Variants in ZNF439 observed in about 807,000 individuals in gnomAD.
The protein encoded by ZNF439 is zinc finger protein 439.
Under a neutral mutation model 47.3 loss-of-function variants are expected in ZNF439, and 40 were observed. The observed-to-expected ratio is 0.85, with a 90% CI of 0.66 to 1.10. The LOEUF is 1.10. ZNF439 is among the 50% of genes least tolerant of loss of function. The pLI, the probability that ZNF439 is intolerant of heterozygous loss-of-function variation, is 0.00. For synonymous variants in ZNF439, 171 were observed against 198.8 expected, an observed-to-expected ratio of 0.86 and a Z score of 1.18; for missense variants, 556 against 601.1, an observed-to-expected ratio of 0.93 and a Z score of 0.78.
intron 1 of ZNF439, among the ~76,000 whole-genome samples, chr19:11,851,661 A>G (rs1290598529): frequency 7.7e-6 from 1 of 130,586 alleles, no homozygotes; most frequent in Non-Finnish European, 1.5e-5. Flanking sequence ...ACAATAATTT[A>G]ATTTTTTTTT....
chr19:11,849,631 G>A (rs1976177712), intron 1 of ZNF439: 1 of 152,468 alleles, frequency 6.6e-6, no homozygotes, highest in Non-Finnish European at 1.5e-5. Flanking sequence ...GGGGTTAGGA[G>A]GCACAGGTGG....
intron 1 of ZNF439, among the ~76,000 whole-genome samples, chr19:11,853,878 G>A (rs925072999): frequency 6.6e-6 from 1 of 152,180 alleles, no homozygotes; most frequent in African/African-American, 2.4e-5. Context: ...TAGTGCTTTA[G>A]ATTGGTCCAA....
In ZNF439 at chr19:11,868,702, C is replaced by A; in HGVS notation, c.*133C>A. 1 of 952,874 alleles carries A rather than the reference C, an allele frequency of 1.0e-6. No individual in the cohort carries two copies. Among genetic ancestry groups the A allele is most frequent in the Non-Finnish European group, 1.6e-6 (1 of 622,490 alleles). The allele number at this position is 952,874 out of a possible 1,614,324, so 59.0% of individuals were successfully genotyped here. A position where few individuals can be genotyped will look rare whatever the true frequency, so the allele number is the denominator to read the frequency against. ...TAATTGTTCCAGTTCCTTTCGATAT[C>A]TAAAAGGACTCACAGTGGAGAAAAA... On this transcript the variant is annotated 3_prime_UTR_variant, in exon 4 of 4. Coordinates refer to ENST00000682736, the MANE Select transcript of ZNF439 (RefSeq NM_001348719.2).
In ZNF439 at chr19:11,867,873, G is replaced by T; in HGVS notation, c.819G>T (p.Lys273Asn). 6.2e-7 allele frequency: 1 copy of T among 1,613,940 alleles called. No homozygotes were observed. Among genetic ancestry groups the T allele is most frequent in the Non-Finnish European group, 8.5e-7 (1 of 1,179,944 alleles). Residue 273 changes from lysine to asparagine, a missense_variant, in exon 4 of 4, where the codon AAG becomes AAT. By Grantham distance (94) the Lys-to-Asn change is moderately conservative (BLOSUM62 0). Coordinates refer to ENST00000682736, the MANE Select transcript of ZNF439 (RefSeq NM_001348719.2). ...ATGAAAGAACTCACATTGGAGAAAA[G>T]CCTTATGAATGTCAGGAATGTGGGA... is the stretch of plus-strand genomic sequence containing the variant. ...RIHERTHIGEKPYECQECGKA... is the reference protein window; with the variant it reads ...RIHERTHIGENPYECQECGKA...
At chr19:11,861,332 T>G (rs1976534522) in intron 1 of ZNF439, among the ~76,000 whole-genome samples, 1 of 151,972 alleles carries the variant, frequency 6.6e-6, no homozygotes, top group Non-Finnish European at 1.5e-5. Context: ...TGATGTGTCT[T>G]CAGTACACCC....
At chr19:11,855,016 G>C (rs959235362) in intron 1 of ZNF439, among the ~76,000 whole-genome samples, 3 of 152,130 alleles carry the variant, frequency 2.0e-5, no homozygotes, top group African/African-American at 7.2e-5. Context: ...ATAAATGAAG[G>C]TGCTGCCTTC....
At chr19:11,851,858 G>A (rs1049462273) in intron 1 of ZNF439, among the ~76,000 whole-genome samples, 4 of 152,034 alleles carry the variant, frequency 2.6e-5, no homozygotes, top group Non-Finnish European at 5.9e-5. Context: ...ACATTGCCCA[G>A]GCTTGTCTCT....
chr19:11,859,180 G>T (rs1159239181), intron 1 of ZNF439, among the ~76,000 whole-genome samples: 1 of 152,194 alleles, frequency 6.6e-6, no homozygotes, highest in African/African-American at 2.4e-5. Flanking sequence ...ACTGCCTCTT[G>T]TAATCTTTCA....
chr19:11,864,765 C>T (rs898260222), intron 1 of ZNF439, among the ~76,000 whole-genome samples: 8 of 151,392 alleles, frequency 5.3e-5, no homozygotes, highest in African/African-American at 7.3e-5. Flanking sequence ...TCATATATGT[C>T]GTAGTATGGG....
chr19:11,865,299 T>C (rs1976644053), intron 1 of ZNF439, among the ~76,000 whole-genome samples: 1 of 152,004 alleles, frequency 6.6e-6, no homozygotes, highest in African/African-American at 2.4e-5. Context: ...CTTGTTTTTT[T>C]CAGTAATGTC....
chr19:11,849,276 C>T, intron 1 of ZNF439: 1 of 1,009,068 alleles, frequency 9.9e-7, no homozygotes, highest in Non-Finnish European at 1.2e-6. Context: ...CTGTGGGGCC[C>T]ACAGCCTCCA....
intron 1 of ZNF439, chr19:11,856,516 A>G (rs1411931543): frequency 1.3e-5 from 2 of 152,248 alleles, no homozygotes; most frequent in African/African-American, 4.8e-5. Flanking sequence ...GCAGCATATG[A>G]GATTAAGTGT....
At position 11,869,063 on chromosome 19, in the gene ZNF439, G is replaced by A. The variant is rs542081237; in HGVS notation, c.*494G>A. On this transcript the variant is annotated 3_prime_UTR_variant, in exon 4 of 4. Transcript: ENST00000682736. ...AAAGGACTCATACGAGAGAGAATCC[G>A]TATGAATGTAAGGATTGTGGGAAAG... is the stretch of plus-strand genomic sequence containing the variant. 4.1e-5 allele frequency: 10 copies of A among 244,040 alleles called. No individual in the cohort carries two copies. Among genetic ancestry groups the A allele is most frequent in the African/African-American group, 1.2e-4 (5 of 42,524 alleles). 15.1% of individuals were successfully genotyped at this position (244,040 alleles called of 1,614,324 possible). A position where few individuals can be genotyped will look rare whatever the true frequency, so the allele number is the denominator to read the frequency against.
Position 11,869,329 on chromosome 19 carries a change from G to A in ZNF439, c.*760G>A. On this transcript the variant is annotated 3_prime_UTR_variant, in exon 4 of 4. Coordinates refer to ENST00000682736, the MANE Select transcript of ZNF439 (RefSeq NM_001348719.2). ...GGCAGAAACTCTATGAATGTAAGCA[G>A]TATGGGAAAGCCTTCAGATCGGCTA... 6.0e-6 allele frequency: 1 copy of A among 167,550 alleles called. No individual in the cohort carries two copies. The allele number at this position is 167,550 out of a possible 1,614,324, so 10.4% of individuals were successfully genotyped here.
At chr19:11,849,173 C>A in intron 1 of ZNF439, 1 of 1,080,200 alleles carries the variant, frequency 9.3e-7, no homozygotes. Flanking sequence ...TCCGCGCCCG[C>A]AGCCCGACGC....
chr19:11,848,737 A>C lies in ZNF439; in HGVS notation c.-131A>C. 2 of 1,185,636 alleles carry C rather than the reference A, an allele frequency of 1.7e-6. No individual in the cohort carries two copies. Among genetic ancestry groups the C allele is most frequent in the Non-Finnish European group, 2.2e-6 (2 of 924,376 alleles). The allele number at this position is 1,185,636 out of a possible 1,614,324, so 73.4% of individuals were successfully genotyped here. A position where few individuals can be genotyped will look rare whatever the true frequency, so the allele number is the denominator to read the frequency against. Reference sequence around the variant, plus strand: ...TCGGGGCCCTGCCCACTGTGCATCCAGGCACGGAGGATGTTGCATTCCTGC... The same window carrying C: ...TCGGGGCCCTGCCCACTGTGCATCCCGGCACGGAGGATGTTGCATTCCTGC... On this transcript the variant is annotated 5_prime_UTR_variant, in exon 1 of 4. Transcript: ENST00000682736.
At chr19:11,866,394 G>A (rs2145183770) in intron 2 of ZNF439, 63 bp downstream of exon 2, 7 of 1,609,420 alleles carry the variant, frequency 4.3e-6, no homozygotes, top group Non-Finnish European at 5.9e-6. Context: ...GCTCACCAAT[G>A]CTGTTGAGTG....
At position 11,868,157 on chromosome 19, in the gene ZNF439, T is replaced by C. The variant is rs150973930; in HGVS notation, c.1103T>C (p.Phe368Ser). The change falls in exon 4 of 4, where the codon TTT becomes TCT. Residue 368 changes from phenylalanine to serine, a missense_variant. Transcript: ENST00000682736. Reference sequence around the variant, plus strand: ...GAATGTAAGACATGTGGGAAAGGCTTTTATTCTGCCAAGTCATTTCAAAGA... The same window carrying C: ...GAATGTAAGACATGTGGGAAAGGCTCTTATTCTGCCAAGTCATTTCAAAGA... ...PYECKTCGKGFYSAKSFQRHE... is the reference protein window; with the variant it reads ...PYECKTCGKGSYSAKSFQRHE... 36 of 1,613,940 alleles carry C rather than the reference T, an allele frequency of 2.2e-5. No homozygotes were observed. The African/African-American group carries it at 3.7e-4, about 17-fold the overall frequency.
At chr19:11,857,751 C>G (rs1171595577) in intron 1 of ZNF439, 1 of 152,214 alleles carries the variant, frequency 6.6e-6, no homozygotes, top group Non-Finnish European at 1.5e-5. Context: ...TGTTGAAAAT[C>G]ATTTAAAATC....
Sources: gnomAD v4.1 joint callset for allele counts (sites outside exome capture counted in the v4.1 genomes callset) on GRCh38, gnomAD v4.1.1 for gene constraint, MANE v1.5 for transcripts, NCBI Gene and HGNC (gene_info 2026-07-23, HGNC 2026-07-21) for gene names.